Variants in OSBPL7 observed in about 807,000 individuals in gnomAD.
OSBPL7 encodes the protein oxysterol binding protein like 7, also known as oxysterol-binding protein-related protein 7.
OSBPL7 carries 66 observed loss-of-function variants against 115.8 expected under a neutral mutation model. The observed-to-expected ratio is 0.57, with a 90% CI of 0.47 to 0.70. OSBPL7 has a LOEUF of 0.70. Among genes scored for constraint, OSBPL7 ranks in the 30% least tolerant of loss-of-function variants. The probability of loss-of-function intolerance (pLI) is 0.00; values close to 1 mark genes in which losing one functional copy is unlikely to be tolerated. For missense variants in OSBPL7, 902 were observed against 1,125.5 expected, an observed-to-expected ratio of 0.80 and a Z score of 2.84; for synonymous variants, 441 against 439.2, an observed-to-expected ratio of 1.00 and a Z score of -0.05.
rs558741323 is a variant in OSBPL7, at chr17:47,821,726, G to C, written c.-148C>G. ...TGCGCCGCTCTGCCTCTGAGTCACC[G>C]TCTCCGAGTCACCGGCTCCCTCCTC... On this transcript the variant is annotated 5_prime_UTR_variant, in exon 1 of 23. Coordinates refer to ENST00000007414, the MANE Select transcript of OSBPL7 (RefSeq NM_145798.3). 6.6e-6 allele frequency: 1 copy of C among 152,480 alleles called. No homozygotes were observed. Among genetic ancestry groups the C allele is most frequent in the East Asian group, 1.9e-4 (1 of 5,186 alleles). The allele number at this position is 152,480 out of a possible 1,614,324, so 9.4% of individuals were successfully genotyped here.
At chr17:47,814,434 A>G in intron 14 of OSBPL7, 87 bp downstream of exon 14, 3 of 1,268,180 alleles carry the variant, frequency 2.4e-6, no homozygotes, top group Non-Finnish European at 3.4e-6. Context: ...ACCACAAGGG[A>G]TGGCCTTTGC....
Position 47,819,887 on chromosome 17 carries a change from A to G in OSBPL7, c.201+84T>C, listed in dbSNP as rs368947051. On this transcript the variant is annotated intron_variant, in intron 3 of 22. Coordinates refer to ENST00000007414, the MANE Select transcript of OSBPL7 (RefSeq NM_145798.3). ...CTTTTCTTTTCCTTCTCATCATGCA[A>G]ACACCATTGGACTGCCCAGCAGCTG... 7.8e-5 allele frequency: 126 copies of G among 1,607,758 alleles called. No homozygotes were observed. The African/African-American group carries it at 1.5e-3, about 19-fold the overall frequency.
Position 47,813,365 on chromosome 17 carries a change from G to A in OSBPL7, c.1638C>T (p.Ser546=), listed in dbSNP as rs1225783477. 6.2e-7 allele frequency: 1 copy of A among 1,614,078 alleles called. No homozygotes were observed. Among genetic ancestry groups the A allele is most frequent in the Non-Finnish European group, 8.5e-7 (1 of 1,180,036 alleles). ...IAAFAVSAYS[S]TYHRAGCKPF... is the part of the protein sequence containing the mutation. Reference sequence around the variant, plus strand: ...GCTTGCAGCCGGCTCGGTGGTATGTGGAGGAGTAGGCCGAGACAGCAAAGG... The same window carrying A: ...GCTTGCAGCCGGCTCGGTGGTATGTAGAGGAGTAGGCCGAGACAGCAAAGG... Residue 546 remains serine (S), a synonymous_variant, in exon 16 of 23, where the codon TCC becomes TCT. Transcript: ENST00000007414.
Position 47,816,695 on chromosome 17 carries a change from C to T in OSBPL7, c.796G>A (p.Val266Ile). The T allele has an allele frequency of 6.2e-7, 1 of 1,614,076 alleles. No homozygotes were observed. Among genetic ancestry groups the T allele is most frequent in the Non-Finnish European group, 8.5e-7 (1 of 1,180,008 alleles). The change falls in exon 10 of 23, where the codon GTT becomes ATT. Residue 266 changes from valine to isoleucine, a missense_variant and splice_region_variant. Around this residue, in one of 3 missense-constraint regions of OSBPL7, gnomAD observed 667 missense variants for 788.7 expected, o/e 0.85. Coordinates refer to ENST00000007414, the MANE Select transcript of OSBPL7 (RefSeq NM_145798.3). The surrounding 1 kb of genome is among the most constrained non-coding windows in gnomAD (Gnocchi z 5.8). Reference sequence around the variant, plus strand: ...GGAACAGAGCCATGGAGACGACCAACCTGTAGGTGAAGGGGAAGGGCTGAA... The same window carrying T: ...GGAACAGAGCCATGGAGACGACCAATCTGTAGGTGAAGGGGAAGGGCTGAA... Reference protein sequence around the residue: ...SFAKDDTIGRVGRLHGSVPNL... With the variant: ...SFAKDDTIGRIGRLHGSVPNL...
chr17:47,808,740 C>G lies in OSBPL7; in HGVS notation c.2298-80G>C. 1 of 1,605,894 alleles carries G rather than the reference C, an allele frequency of 6.2e-7. No homozygotes were observed. The highest frequency in any genetic ancestry group is 8.5e-7 in the Non-Finnish European group (1 of 1,175,604). On this transcript the variant is annotated intron_variant, in intron 21 of 22. Transcript: ENST00000007414. The surrounding 1 kb of genome is among the most constrained non-coding windows in gnomAD (Gnocchi z 6.1). The stretch of plus-strand genomic sequence containing the variant: ...CCAAGGCCTCTGTCTCTGCCCAACT[C>G]TGTCCTCTAGACAAGCCCCACTTCT...
intron 14 of OSBPL7, 36 bp downstream of exon 14, chr17:47,814,485 C>CAACCA: frequency 9.2e-7 from 1 of 1,089,522 alleles, no homozygotes; most frequent in Non-Finnish European, 1.4e-6. Context: ...TTCCACCCGC[C>CAACCA]TCCCACCCCT....
In OSBPL7 at chr17:47,814,529, C is replaced by T. The variant is rs781565013; in HGVS notation, c.1343G>A (p.Cys448Tyr). Residue 448 changes from cysteine to tyrosine, a missense_variant, in exon 14 of 23, where the codon TGT (cysteine) becomes TAT (tyrosine). Cys to Tyr is a radical substitution (Grantham distance 194). Coordinates refer to ENST00000007414, the MANE Select transcript of OSBPL7 (RefSeq NM_145798.3). ...EMLDLRGAER[C>Y]QKGGCVPGRP... ...GCCCACCCAGCTGGCACCTTTCTGA[C>T]AGCGCTCAGCTCCCCTGAGGTCCAG... The T allele has an allele frequency of 6.8e-7, 1 of 1,468,024 alleles. No individual in the cohort carries two copies. Among genetic ancestry groups the T allele is most frequent in the Non-Finnish European group, 9.2e-7 (1 of 1,085,538 alleles). The allele number at this position is 1,468,024 out of a possible 1,614,324, so 90.9% of individuals were successfully genotyped here. A position where few individuals can be genotyped will look rare whatever the true frequency, so the allele number is the denominator to read the frequency against.
Position 47,820,098 on chromosome 17 carries a change from T to C in OSBPL7, c.76-2A>G, listed in dbSNP as rs1323152682. On this transcript the variant is annotated splice_acceptor_variant, in intron 2 of 22. Transcript: ENST00000007414. LOFTEE classifies it high-confidence loss of function. ...CACCACCTCCCACAGCTCAGAGGCCTGCAGTCCAGGACAGAGGGAGGGGAG... is the reference window on the plus strand; with the variant it reads ...CACCACCTCCCACAGCTCAGAGGCCCGCAGTCCAGGACAGAGGGAGGGGAG... 6.2e-7 allele frequency: 1 copy of C among 1,612,788 alleles called. No individual in the cohort carries two copies. Among genetic ancestry groups the C allele is most frequent in the East Asian group, 2.2e-5 (1 of 44,848 alleles).
intron 16 of OSBPL7, among the ~76,000 whole-genome samples, chr17:47,811,251 T>C (rs1295374670): frequency 9.9e-6 from 1 of 101,106 alleles, no homozygotes; most frequent in African/African-American, 3.9e-5. Context: ...CCCCACACCC[T>C]TGGAAACACT....
intron 13 of OSBPL7, chr17:47,815,002 G>C: frequency 1.6e-6 from 1 of 643,692 alleles, no homozygotes; most frequent in East Asian, 2.8e-5. Context: ...GAACCCAATG[G>C]GGATACAAAT....
At chr17:47,812,509 CCTCA>C (rs60748200) in intron 16 of OSBPL7, among the ~76,000 whole-genome samples, 44,425 of 151,962 alleles carry the variant, frequency 0.29, 8,002 homozygotes, top group East Asian at 0.64. Context: ...ACATTGTCCA[CCTCA>C]CTAACTGGCA....
chr17:47,815,911 T>TA, intron 12 of OSBPL7, 196 bp downstream of exon 12: 1 of 528,726 alleles, frequency 1.9e-6, no homozygotes, highest in South Asian at 2.7e-5. Context: ...GAATTAAAAG[T>TA]AAAAGTACCC....
At position 47,809,203 on chromosome 17, in the gene OSBPL7, G is replaced by C. The variant is rs1305409409; in HGVS notation, c.2043C>G (p.Ser681=). 2 of 1,614,050 alleles carry C rather than the reference G, an allele frequency of 1.2e-6. No homozygotes were observed. Among genetic ancestry groups the C allele is most frequent in the Admixed American group, 3.3e-5 (2 of 60,010 alleles). ...CAGCGCCCTGCACCTCGTGGACATT[G>C]GAACTCCAGTACTTGGCCTGGGGTG... The part of the protein sequence containing the change: ...ITFCKAKYWS[S]NVHEVQGAVL... Residue 681 remains serine, a synonymous_variant, in exon 20 of 23, where the codon TCC becomes TCG. Transcript: ENST00000007414.
rs1430807252 is a variant in OSBPL7 at position 47,817,290 on chromosome 17, C to T, written c.668G>A (p.Arg223Gln). ...GGGGATAACAGGGGCTGAGGGGATT[C>T]GGTGCAGGGACTCCAGGCTCTGGAG... ...RLLQSLESLHRIPSAPVIPTH... is the reference protein window; with the variant it reads ...RLLQSLESLHQIPSAPVIPTH... Residue 223 changes from arginine (R) to glutamine (Q), a missense_variant, in exon 8 of 23, where the codon CGA (arginine) becomes CAA (glutamine). Physicochemically the swap from Arg to Gln is conservative, Grantham distance 43. This residue lies in a region of OSBPL7 where 667 missense variants were observed against 788.7 expected (regional missense o/e 0.85). Coordinates refer to ENST00000007414, the MANE Select transcript of OSBPL7 (RefSeq NM_145798.3). 2.5e-6 allele frequency: 4 copies of T among 1,601,836 alleles called. No individual in the cohort carries two copies. The highest frequency in any genetic ancestry group is 2.5e-6 in the Non-Finnish European group (3 of 1,177,040).
chr17:47,818,239 C>T (rs1156666150), intron 7 of OSBPL7, 30 bp downstream of exon 7: 2 of 1,589,676 alleles, frequency 1.3e-6, no homozygotes, highest in Admixed American at 3.4e-5. Flanking sequence ...GGGGCCTACC[C>T]TTGGAGGTGC....
chr17:47,815,356 T>C lies in OSBPL7; in HGVS notation c.1120-4A>G, dbSNP rs1401964319. ...CCTTCATGTACAGAGCTTCTTGCTG[T>C]GGGAGCAGCCAGATGGATGTCAGGC... is the stretch of plus-strand genomic sequence containing the variant. On this transcript the variant is annotated splice_region_variant and splice_polypyrimidine_tract_variant and intron_variant, in intron 12 of 22. Coordinates refer to ENST00000007414, the MANE Select transcript of OSBPL7 (RefSeq NM_145798.3). The C allele has an allele frequency of 3.1e-6, 5 of 1,613,202 alleles. No individual in the cohort carries two copies. The highest frequency in any genetic ancestry group is 4.2e-6 in the Non-Finnish European group (5 of 1,179,768).
At position 47,819,046 on chromosome 17, in the gene OSBPL7, GGACATGACC is replaced by G; in HGVS notation, c.300_308del (p.Val101_Ser103del). On this transcript the variant is annotated inframe_deletion, in exon 5 of 23. Transcript: ENST00000007414. The stretch of plus-strand genomic sequence containing the variant: ...CAATGCGCTGGGCCTTTTTGTTGAT[GGACATGACC>G]GACAGCCGGACATCGATGGAGCCAT... 1 of 1,614,094 alleles carries G rather than the reference GGACATGACC, an allele frequency of 6.2e-7. No individual in the cohort carries two copies. Among genetic ancestry groups the G allele is most frequent in the South Asian group, 1.1e-5 (1 of 91,070 alleles).
At chr17:47,819,893 A>AT in intron 3 of OSBPL7, 78 bp downstream of exon 3, 1 of 1,605,904 alleles carries the variant, frequency 6.2e-7, no homozygotes, top group Non-Finnish European at 8.5e-7. Flanking sequence ...TGCAAACACC[A>AT]TTGGACTGCC....
chr17:47,812,875 C>T (rs1239445406), intron 16 of OSBPL7, among the ~76,000 whole-genome samples: 1 of 152,218 alleles, frequency 6.6e-6, no homozygotes, highest in African/African-American at 2.4e-5. Flanking sequence ...GCCTCTTTCC[C>T]TTCACTGGCA....
Sources: allele counts gnomAD v4.1 joint callset (sites outside exome capture counted in the v4.1 genomes callset), GRCh38; gene constraint gnomAD v4.1.1; regional missense constraint gnomAD v4.1.1; non-coding constraint Gnocchi (gnomAD v3.1); transcripts MANE v1.5; gene names NCBI Gene and HGNC (gene_info 2026-07-23, HGNC 2026-07-21).